Variants in RBM26 observed in about 807,000 individuals in gnomAD.
The protein encoded by RBM26 is RNA-binding protein 26.
A neutral mutation model predicts 123.6 loss-of-function variants in RBM26; 30 were observed. The ratio of observed to expected loss-of-function variants is 0.24; its 90% CI spans 0.18 to 0.33. The LOEUF (loss-of-function observed/expected upper bound fraction) is 0.33, where lower values mean the gene tolerates loss of function less well. Among genes scored for constraint, RBM26 ranks in the 10% least tolerant of loss-of-function variants. RBM26 has a pLI of 1.00. For synonymous variants in RBM26, 400 were observed against 404.4 expected, an observed-to-expected ratio of 0.99 and a Z score of 0.13; for missense variants, 947 against 1,203.6, an observed-to-expected ratio of 0.79 and a Z score of 3.15.
intron 19 of RBM26, 73 bp downstream of exon 19, chr13:79,337,029 T>C: frequency 7.4e-7 from 1 of 1,356,020 alleles, no homozygotes; most frequent in Non-Finnish European, 1.0e-6. Context: ...TTTTCATAAC[T>C]TCCTCTTTAA....
chr13:79,401,772 A>G (rs911808351), intron 1 of RBM26, among the ~76,000 whole-genome samples: 1 of 152,198 alleles, frequency 6.6e-6, no homozygotes, highest in African/African-American at 2.4e-5. Context: ...ACCAATAAGG[A>G]AAGAGGAGGT....
At chr13:79,368,420 AGAAAT>A (rs1480296239) in intron 6 of RBM26, among the ~76,000 whole-genome samples, 1 of 152,232 alleles carries the variant, frequency 6.6e-6, no homozygotes, top group Non-Finnish European at 1.5e-5. Flanking sequence ...CTCATTCTAA[AGAAAT>A]GAGTTTTGTC....
intron 1 of RBM26, among the ~76,000 whole-genome samples, chr13:79,392,983 C>G (rs2078234059): frequency 1.3e-5 from 2 of 152,138 alleles, no homozygotes; most frequent in African/African-American, 4.8e-5. Context: ...TATACACATG[C>G]TGTCGAGAGA....
At chr13:79,324,844 C>CT (rs1449276083) in intron 20 of RBM26, among the ~76,000 whole-genome samples, 1 of 151,790 alleles carries the variant, frequency 6.6e-6, no homozygotes, top group Non-Finnish European at 1.5e-5. Context: ...ATAATGCTGT[C>CT]TTTTTTCCAA....
intron 2 of RBM26, among the ~76,000 whole-genome samples, chr13:79,377,812 G>A (rs1336417611): frequency 1.3e-5 from 2 of 152,082 alleles, no homozygotes; most frequent in East Asian, 3.9e-4. Flanking sequence ...GGAGGCTGAG[G>A]CAGGAGAATC....
chr13:79,354,734 T>C (rs2073763396), intron 12 of RBM26, among the ~76,000 whole-genome samples, 164 bp from the exon 13 acceptor site: 1 of 152,266 alleles, frequency 6.6e-6, no homozygotes. Flanking sequence ...TATACAAAGA[T>C]GTTTTCTTTG....
rs199747974 is a variant in RBM26, at chr13:79,353,213, C to T, written c.1998G>A (p.Lys666=). 39 of 1,574,836 alleles carry T rather than the reference C, an allele frequency of 2.5e-5. No homozygotes were observed. Among genetic ancestry groups the T allele is most frequent in the Admixed American group, 3.6e-5 (2 of 56,262 alleles). ...ASSDLPQNVT[K]LSVKDRLGFV... The stretch of plus-strand genomic sequence containing the variant: ...AACCCAACCTGTCCTTCACAGATAA[C>T]TTAGTTACATTCTAAAAAAATTAAA... Residue 666 remains lysine (K), a synonymous_variant, in exon 14 of 22, where the codon AAG becomes AAA. Coordinates refer to ENST00000438737, the MANE Select transcript of RBM26 (RefSeq NM_001366735.2).
At chr13:79,343,722 C>T (rs904329883) in intron 16 of RBM26, among the ~76,000 whole-genome samples, 19 of 151,768 alleles carry the variant, frequency 1.3e-4, no homozygotes, top group Non-Finnish European at 2.4e-4. Context: ...TTTTGCTTAA[C>T]CTAATATATC....
intron 20 of RBM26, among the ~76,000 whole-genome samples, chr13:79,325,837 T>A (rs2068320174): frequency 6.6e-6 from 1 of 152,196 alleles, no homozygotes; most frequent in African/African-American, 2.4e-5. Context: ...TTTCCAGTCC[T>A]GCAAATGCCA....
At chr13:79,386,765 TAAC>T (rs1413706856) in intron 1 of RBM26, among the ~76,000 whole-genome samples, 1 of 151,972 alleles carries the variant, frequency 6.6e-6, no homozygotes, top group African/African-American at 2.4e-5. Flanking sequence ...TCTGTCTAGT[TAAC>T]AACAGATCTC....
Position 79,397,498 on chromosome 13 carries a change from A to T in RBM26, c.71+8206T>A, listed in dbSNP as rs776656916. ...AGACCATCCTGGCTAACACGATGAA[A>T]CCCTGTCGTCTCTACTAAAAATGAA... On this transcript the variant is annotated intron_variant, in intron 1 of 21. Transcript: ENST00000438737. Among the ~76,000 whole-genome samples the T allele has an allele frequency of 3.9e-4, 59 of 150,790 alleles. 1 individual carries two copies. The highest frequency in any genetic ancestry group is 6.0e-4 in the Non-Finnish European group (41 of 67,812).
Position 79,372,672 on chromosome 13 carries a change from TAC to T in RBM26, c.328-744_328-743del, listed in dbSNP as rs772822405. Among the ~76,000 whole-genome samples, 17 of 145,718 alleles carry T rather than the reference TAC, an allele frequency of 1.2e-4. No individual in the cohort carries two copies. In the East Asian group the frequency reaches 1.6e-3, roughly 13 times the overall value. The stretch of plus-strand genomic sequence containing the variant: ...TAGAACTCACCAAGTCATAAATACA[TAC>T]ACACACACAAACATATACATGTTTA... On this transcript the variant is annotated intron_variant, in intron 3 of 21. Coordinates refer to ENST00000438737, the MANE Select transcript of RBM26 (RefSeq NM_001366735.2).
At chr13:79,402,027 A>C in intron 1 of RBM26, among the ~76,000 whole-genome samples, 1 of 144,928 alleles carries the variant, frequency 6.9e-6, no homozygotes, top group Admixed American at 6.9e-5. Context: ...CTCTTCAGGA[A>C]AAAAAAAAAA....
At position 79,320,007 on chromosome 13, in the gene RBM26, TAA is replaced by T. The variant is rs1341834521; in HGVS notation, c.*612_*613del. 8 of 886,800 alleles carry T rather than the reference TAA, an allele frequency of 9.0e-6. No homozygotes were observed. Among genetic ancestry groups the T allele is most frequent in the Non-Finnish European group, 2.7e-6 (2 of 743,026 alleles). 54.9% of individuals were successfully genotyped at this position (886,800 alleles called of 1,614,324 possible). A position where few individuals can be genotyped will look rare whatever the true frequency, so the allele number is the denominator to read the frequency against. On this transcript the variant is annotated 3_prime_UTR_variant, in exon 22 of 22. Transcript: ENST00000438737. Reference sequence around the variant, plus strand: ...TCTCTTTTCTTTCCTTTTTTTTTTTTAAAGAGACCATTCCACTTTATTATAAC... The same window carrying T: ...TCTCTTTTCTTTCCTTTTTTTTTTTTAGAGACCATTCCACTTTATTATAAC...
chr13:79,366,932 T>C lies in RBM26; in HGVS notation c.896-60A>G, dbSNP rs1184156657. Reference sequence around the variant, plus strand: ...AAGCACTGGAAATATATATTTTCTCTAAGTTAGCAAAAGTAAAATATTTAA... The same window carrying C: ...AAGCACTGGAAATATATATTTTCTCCAAGTTAGCAAAAGTAAAATATTTAA... On this transcript the variant is annotated intron_variant, in intron 6 of 21. Transcript: ENST00000438737. 7 of 1,388,668 alleles carry C rather than the reference T, an allele frequency of 5.0e-6. No homozygotes were observed. The Admixed American group carries it at 1.7e-4, about 34-fold the overall frequency. The allele number at this position is 1,388,668 out of a possible 1,614,324, so 86.0% of individuals were successfully genotyped here. A position where few individuals can be genotyped will look rare whatever the true frequency, so the allele number is the denominator to read the frequency against.
intron 20 of RBM26, among the ~76,000 whole-genome samples, chr13:79,331,676 T>C (rs1224065896): frequency 3.3e-5 from 5 of 151,866 alleles, no homozygotes; most frequent in Non-Finnish European, 5.9e-5. Context: ...TTTGGGACTA[T>C]AGGTTTCATT....
At chr13:79,315,628 T>C (rs781615218), downstream of RBM26, among the ~76,000 whole-genome samples, 2 of 151,808 alleles carry the variant, frequency 1.3e-5, no homozygotes, top group South Asian at 2.1e-4. Flanking sequence ...ATTTAGGAAG[T>C]AGCAAGTATA....
In RBM26 at chr13:79,323,872, GT is replaced by G; in HGVS notation, c.2821-1411del. Among the ~76,000 whole-genome samples the G allele has an allele frequency of 2.6e-5, 4 of 151,786 alleles. No homozygotes were observed. In the South Asian group the frequency reaches 8.3e-4, roughly 31 times the overall value. On this transcript the variant is annotated intron_variant, in intron 20 of 21. Coordinates refer to ENST00000438737, the MANE Select transcript of RBM26 (RefSeq NM_001366735.2). The stretch of plus-strand genomic sequence containing the variant: ...CTGTGTAAATTTTTGAAAGAACTGA[GT>G]TTTTGCTTTGTAAAGATGTAAATTT...
intron 9 of RBM26, 105 bp downstream of exon 9, chr13:79,365,473 A>C (rs902774022): frequency 5.6e-6 from 5 of 893,606 alleles, no homozygotes; most frequent in Non-Finnish European, 8.8e-6. Flanking sequence ...ATAAATCACC[A>C]TTCCTTATCC....
Sources: gnomAD v4.1 joint callset for allele counts (sites outside exome capture counted in the v4.1 genomes callset) on GRCh38, gnomAD v4.1.1 for gene constraint, MANE v1.5 for transcripts, NCBI Gene and HGNC (gene_info 2026-07-23, HGNC 2026-07-21) for gene names.